Variants in ZCCHC7 observed in about 807,000 individuals in gnomAD.
ZCCHC7 encodes the protein zinc finger CCHC-type containing 7, also known as zinc finger CCHC domain-containing protein 7.
Under a neutral mutation model 52.0 loss-of-function variants are expected in ZCCHC7, and 35 were observed. The ratio of observed to expected loss-of-function variants is 0.67; its 90% CI spans 0.51 to 0.89. The LOEUF (loss-of-function observed/expected upper bound fraction) is 0.89, where lower values mean the gene tolerates loss of function less well. Among genes scored for constraint, ZCCHC7 ranks in the 40% least tolerant of loss-of-function variants. The pLI, the probability that ZCCHC7 is intolerant of heterozygous loss-of-function variation, is 0.00. For synonymous variants in ZCCHC7, 217 were observed against 221.5 expected, an observed-to-expected ratio of 0.98 and a Z score of 0.18; for missense variants, 574 against 649.1, an observed-to-expected ratio of 0.88 and a Z score of 1.26.
intron 2 of ZCCHC7, among the ~76,000 whole-genome samples, chr9:37,227,045 A>AC (rs1564190805): frequency 6.6e-6 from 1 of 151,850 alleles, no homozygotes; most frequent in South Asian, 2.1e-4. Context: ...AAAAAAAAAA[A>AC]ACCAGGATAT....
chr9:37,230,316 A>T (rs1825336730), intron 2 of ZCCHC7, among the ~76,000 whole-genome samples: 1 of 152,204 alleles, frequency 6.6e-6, no homozygotes, highest in South Asian at 2.1e-4. Context: ...CACAAACATG[A>T]CCCCAAACCT....
intron 2 of ZCCHC7, among the ~76,000 whole-genome samples, chr9:37,296,881 T>TGTGTGTGTG (rs1828806798): frequency 2.4e-5 from 3 of 124,136 alleles, no homozygotes; most frequent in Non-Finnish European, 5.0e-5. Context: ...CCTGGCTAGT[T>TGTGTGTGTG]TGTGTGTGTG....
chr9:37,212,282 A>G (rs1824282560), intron 2 of ZCCHC7, among the ~76,000 whole-genome samples: 1 of 151,974 alleles, frequency 6.6e-6, no homozygotes, highest in Non-Finnish European at 1.5e-5. Flanking sequence ...CAAGATTGAG[A>G]AACCCTGAGC....
intron 2 of ZCCHC7, among the ~76,000 whole-genome samples, chr9:37,229,104 G>A (rs1825271359): frequency 6.6e-6 from 1 of 151,882 alleles, no homozygotes; most frequent in Non-Finnish European, 1.5e-5. Flanking sequence ...CAAAGTGTTA[G>A]GATTACAGGT....
At chr9:37,316,551 C>G (rs1829831414) in intron 5 of ZCCHC7, among the ~76,000 whole-genome samples, 1 of 151,858 alleles carries the variant, frequency 6.6e-6, no homozygotes, top group South Asian at 2.1e-4. Context: ...TCTCGAACTC[C>G]TAACCTCGAG....
intron 2 of ZCCHC7, among the ~76,000 whole-genome samples, chr9:37,133,637 G>T (rs1044434590): frequency 6.6e-6 from 1 of 152,126 alleles, no homozygotes; most frequent in African/African-American, 2.4e-5. Flanking sequence ...CACCCAGCCT[G>T]GAGTGCGGTG....
rs1163819343 is a variant in ZCCHC7 at position 37,123,204 on chromosome 9, TGTGTGTGTGTGTGTGTGTGTGCGTGTGC to T, written c.-22+2592_-22+2619del. Among the ~76,000 whole-genome samples, 322 of 127,472 alleles carry T rather than the reference TGTGTGTGTGTGTGTGTGTGTGCGTGTGC, an allele frequency of 2.5e-3. 3 individuals carry two copies. Among genetic ancestry groups the T allele is most frequent in the Non-Finnish European group, 2.5e-3 (137 of 54,100 alleles). 83.6% of individuals were successfully genotyped at this position (127,472 alleles called of 152,430 possible). A position where few individuals can be genotyped will look rare whatever the true frequency, so the allele number is the denominator to read the frequency against. On this transcript the variant is annotated intron_variant, in intron 1 of 8. Transcript: ENST00000336755. The stretch of plus-strand genomic sequence containing the variant: ...TCTGAGTCAAGGGTGTGTGTGTGTG[TGTGTGTGTGTGTGTGTGTGTGCGTGTGC>T]GTGTGTGTGTAAAAAACATATATTG...
At chr9:37,141,511 T>C (rs1492713) in intron 2 of ZCCHC7, among the ~76,000 whole-genome samples, 85,625 of 151,586 alleles carry the variant, frequency 0.56, 24,842 homozygotes, top group African/African-American at 0.7. Flanking sequence ...GATATGTTAG[T>C]GTTATGCATG....
intron 2 of ZCCHC7, among the ~76,000 whole-genome samples, chr9:37,168,624 G>C (rs535292549): frequency 6.6e-6 from 1 of 152,132 alleles, no homozygotes; most frequent in Non-Finnish European, 1.5e-5. Context: ...CAGGCCAGGC[G>C]TGCTGGCTCA....
intron 2 of ZCCHC7, among the ~76,000 whole-genome samples, chr9:37,236,552 C>T (rs1364328357): frequency 3.9e-5 from 6 of 151,956 alleles, no homozygotes; most frequent in Admixed American, 1.3e-4. Context: ...CCACCACGCC[C>T]GGCTAATTTT....
At chr9:37,231,657 C>A (rs1038165895) in intron 2 of ZCCHC7, among the ~76,000 whole-genome samples, 4 of 152,078 alleles carry the variant, frequency 2.6e-5, no homozygotes, top group African/African-American at 9.7e-5. Flanking sequence ...TGTTTTTCTC[C>A]ATTTTTTTTC....
chr9:37,214,346 A>G (rs1714355336), intron 2 of ZCCHC7, among the ~76,000 whole-genome samples: 1 of 152,096 alleles, frequency 6.6e-6, no homozygotes, highest in South Asian at 2.1e-4. Flanking sequence ...CTAGATACAT[A>G]GAAAGGGACA....
intron 2 of ZCCHC7, among the ~76,000 whole-genome samples, chr9:37,138,814 A>G (rs1353799616): frequency 6.6e-6 from 1 of 151,454 alleles, no homozygotes; most frequent in Non-Finnish European, 1.5e-5. Context: ...GTTTATATAT[A>G]ATTTTCTTGT....
At chr9:37,147,972 A>G (rs1843510556) in intron 2 of ZCCHC7, among the ~76,000 whole-genome samples, 1 of 152,014 alleles carries the variant, frequency 6.6e-6, no homozygotes, top group Non-Finnish European at 1.5e-5. Context: ...TTTTTTGCTG[A>G]CTTTTACCTG....
intron 2 of ZCCHC7, among the ~76,000 whole-genome samples, chr9:37,238,799 T>G (rs899011353): frequency 6.6e-6 from 1 of 152,108 alleles, no homozygotes; most frequent in Admixed American, 6.5e-5. Context: ...GCAATTAACA[T>G]CACGATTGCA....
intron 2 of ZCCHC7, among the ~76,000 whole-genome samples, chr9:37,236,545 C>G (rs1825661500): frequency 6.6e-6 from 1 of 152,072 alleles, no homozygotes; most frequent in Non-Finnish European, 1.5e-5. Flanking sequence ...GCGCCCGCCA[C>G]CACGCCCGGC....
intron 2 of ZCCHC7, among the ~76,000 whole-genome samples, chr9:37,159,607 G>C (rs1226432603): frequency 1.3e-5 from 2 of 152,078 alleles, no homozygotes; most frequent in African/African-American, 2.4e-5. Context: ...TTGAGATTTT[G>C]GGAAAATTGT....
At chr9:37,208,468 C>A (rs554189503) in intron 2 of ZCCHC7, among the ~76,000 whole-genome samples, 50 of 152,136 alleles carry the variant, frequency 3.3e-4, no homozygotes, top group Non-Finnish European at 6.5e-4. Flanking sequence ...AGGAGTGCTG[C>A]TTCAGCAAAA....
intron 5 of ZCCHC7, among the ~76,000 whole-genome samples, chr9:37,307,190 C>G (rs1030038571): frequency 6.6e-6 from 1 of 152,064 alleles, no homozygotes; most frequent in African/African-American, 2.4e-5. Flanking sequence ...GTTTTGGACA[C>G]TATTTGCATT....
Sources: gnomAD v4.1 joint callset for allele counts (sites outside exome capture counted in the v4.1 genomes callset) on GRCh38, gnomAD v4.1.1 for gene constraint, MANE v1.5 for transcripts, NCBI Gene and HGNC (gene_info 2026-07-23, HGNC 2026-07-21) for gene names.